The following KIAA1217 variants were observed in gnomAD, a reference collection of about 807,000 sequenced individuals.
The protein encoded by KIAA1217 is KIAA1217.
In KIAA1217, 88 loss-of-function variants were observed where a neutral mutation model predicts 163.9. The ratio of observed to expected loss-of-function variants is 0.54; its 90% CI spans 0.45 to 0.64. The LOEUF (loss-of-function observed/expected upper bound fraction) is 0.64, where lower values mean the gene tolerates loss of function less well. Ranked by LOEUF, KIAA1217 falls within the 30% of genes least tolerant of loss-of-function variation. The probability of loss-of-function intolerance (pLI) is 0.00; values close to 1 mark genes in which losing one functional copy is unlikely to be tolerated. For synonymous variants in KIAA1217, 903 were observed against 923.1 expected, an observed-to-expected ratio of 0.98 and a Z score of 0.39; for missense variants, 2,372 against 2,475.0, an observed-to-expected ratio of 0.96 and a Z score of 0.88.
intron 2 of KIAA1217, among the ~76,000 whole-genome samples, chr10:24,169,356 C>A (rs111616077): frequency 6.6e-6 from 1 of 152,168 alleles, no homozygotes; most frequent in African/African-American, 2.4e-5. Flanking sequence ...CTAGTCCCAA[C>A]GGCTTTCTTA....
intron 2 of KIAA1217, chr10:24,239,228 T>C: frequency 1.0e-6 from 1 of 985,386 alleles, no homozygotes; most frequent in South Asian, 4.7e-5. Flanking sequence ...AGGGGGGTTT[T>C]ACCTGACAGC....
intron 2 of KIAA1217, among the ~76,000 whole-genome samples, chr10:24,377,568 T>C (rs2052678436): frequency 6.6e-6 from 1 of 152,218 alleles, no homozygotes; most frequent in Non-Finnish European, 1.5e-5. Flanking sequence ...CCTTTTTTGG[T>C]ATTAAAGTAT....
chr10:23,963,584 A>G (rs182714153), intron 1 of KIAA1217, among the ~76,000 whole-genome samples: 1 of 152,326 alleles, frequency 6.6e-6, no homozygotes, highest in Non-Finnish European at 1.5e-5. Flanking sequence ...ATAGAGGTGC[A>G]TGCATCTTTA....
intron 2 of KIAA1217, chr10:24,042,293 A>T (rs1848672106): frequency 6.6e-6 from 1 of 151,224 alleles, no homozygotes; most frequent in Admixed American, 6.6e-5. Context: ...AAATGTCCAA[A>T]CCCTCTCGCT....
intron 4 of KIAA1217, among the ~76,000 whole-genome samples, chr10:24,437,486 T>C (rs1420477978): frequency 6.6e-6 from 1 of 152,220 alleles, no homozygotes; most frequent in African/African-American, 2.4e-5. Flanking sequence ...AGAGAGGAAT[T>C]CTTCCTCCTG....
At chr10:24,345,747 CT>C (rs982766105) in intron 2 of KIAA1217, among the ~76,000 whole-genome samples, 47 of 152,134 alleles carry the variant, frequency 3.1e-4, no homozygotes, top group Middle Eastern at 3.4e-3. Context: ...GGGGGGGTCG[CT>C]TTTTTCCCCC....
At chr10:24,401,310 A>G (rs1215652066) in intron 3 of KIAA1217, among the ~76,000 whole-genome samples, 1 of 152,152 alleles carries the variant, frequency 6.6e-6, no homozygotes, top group Admixed American at 6.6e-5. Context: ...TGAAAGTACT[A>G]TTACCATATG....
At chr10:24,471,958 A>G (rs753637049) in intron 5 of KIAA1217, among the ~76,000 whole-genome samples, 4 of 151,966 alleles carry the variant, frequency 2.6e-5, no homozygotes, top group African/African-American at 4.8e-5. Flanking sequence ...CTCACAGCCT[A>G]CTGTTGACCA....
At chr10:23,778,174 C>CAA (rs1835090306) in intron 1 of KIAA1217, among the ~76,000 whole-genome samples, 1 of 151,948 alleles carries the variant, frequency 6.6e-6, no homozygotes, top group Non-Finnish European at 1.5e-5. Context: ...CTCCTGACCT[C>CAA]GTGATTCCCC....
intron 5 of KIAA1217, among the ~76,000 whole-genome samples, chr10:24,449,211 A>G (rs1304241700): frequency 1.3e-5 from 2 of 152,156 alleles, no homozygotes; most frequent in African/African-American, 4.8e-5. Context: ...CCAGTTATAA[A>G]GTCTTATTTT....
chr10:23,772,126 A>T (rs1834825175), intron 1 of KIAA1217, among the ~76,000 whole-genome samples: 1 of 152,218 alleles, frequency 6.6e-6, no homozygotes, highest in Non-Finnish European at 1.5e-5. Flanking sequence ...AAATATACCA[A>T]ACTTAAAAAT....
At chr10:24,358,788 G>A (rs531793389) in intron 2 of KIAA1217, among the ~76,000 whole-genome samples, 1 of 152,184 alleles carries the variant, frequency 6.6e-6, no homozygotes. Flanking sequence ...CAATGGCAAG[G>A]TCATAGAAAT....
intron 9 of KIAA1217, among the ~76,000 whole-genome samples, chr10:24,509,645 T>C (rs576382681): frequency 2.6e-5 from 4 of 152,292 alleles, no homozygotes; most frequent in African/African-American, 9.6e-5. Context: ...AATCCATAAC[T>C]TTTGGCTCCC....
rs1168345291 is a variant in KIAA1217, at chr10:24,088,630, AT to A, written c.-171+81262del. On this transcript the variant is annotated intron_variant, in intron 2 of 18. Transcript: ENST00000376462. ...TCCCTACAAAGGACATGAACTTATC[AT>A]TTTTTATGGCTGCATAGTATTCCAT... 1.6e-5 allele frequency among the ~76,000 whole-genome samples: 2 copies of A among 122,764 alleles called. 1 individual carries two copies. The highest frequency in any genetic ancestry group is 4.0e-5 in the Non-Finnish European group (2 of 49,780). 80.5% of individuals were successfully genotyped at this position (122,764 alleles called of 152,430 possible). A position where few individuals can be genotyped will look rare whatever the true frequency, so the allele number is the denominator to read the frequency against.
At chr10:24,451,726 C>T (rs1436116858) in intron 5 of KIAA1217, among the ~76,000 whole-genome samples, 1 of 152,164 alleles carries the variant, frequency 6.6e-6, no homozygotes, top group Non-Finnish European at 1.5e-5. Context: ...GAGGTTTTTG[C>T]CACATCCCTC....
chr10:24,205,181 T>C (rs1387532876), upstream of KIAA1217, among the ~76,000 whole-genome samples: 1 of 151,908 alleles, frequency 6.6e-6, no homozygotes, highest in Non-Finnish European at 1.5e-5. Context: ...CCAGGCACAG[T>C]GGCTCACGCC....
intron 2 of KIAA1217, among the ~76,000 whole-genome samples, chr10:24,258,546 C>T (rs563546519): frequency 3.3e-5 from 5 of 150,856 alleles, no homozygotes; most frequent in African/African-American, 1.2e-4. Flanking sequence ...CGTGGGCAGA[C>T]AGCACACAAA....
chr10:24,101,508 G>T (rs1564702703), intron 2 of KIAA1217, among the ~76,000 whole-genome samples: 1 of 152,064 alleles, frequency 6.6e-6, no homozygotes, highest in Non-Finnish European at 1.5e-5. Flanking sequence ...ATTTGAAAAT[G>T]ATTTTTTAAT....
At chr10:24,017,156 G>T (rs914728987) in intron 2 of KIAA1217, among the ~76,000 whole-genome samples, 1 of 151,162 alleles carries the variant, frequency 6.6e-6, no homozygotes, top group South Asian at 2.1e-4. Context: ...GGGCTCAAGT[G>T]AACCTCCCAC....
Sources: gnomAD v4.1 joint callset for allele counts (sites outside exome capture counted in the v4.1 genomes callset) on GRCh38, gnomAD v4.1.1 for gene constraint, MANE v1.5 for transcripts, NCBI Gene and HGNC (gene_info 2026-07-23, HGNC 2026-07-21) for gene names.